TCERG1: variants seen among roughly 807,000 people sequenced by gnomAD.
The protein encoded by TCERG1 is transcription elongation regulator 1.
A neutral mutation model predicts 144.7 loss-of-function variants in TCERG1; 37 were observed. The ratio of observed to expected loss-of-function variants is 0.26; its 90% CI spans 0.20 to 0.34. The LOEUF is 0.34. Among genes scored for constraint, TCERG1 ranks in the 10% least tolerant of loss-of-function variants. TCERG1 has a pLI of 1.00. For synonymous variants in TCERG1, 492 were observed against 458.2 expected (o/e 1.07, Z -0.94); for missense variants, 1,027 against 1,380.7 (o/e 0.74, Z 4.06).
At position 146,482,612 on chromosome 5, in the gene TCERG1, T is replaced by C. The variant is rs772790701; in HGVS notation, c.1958T>C (p.Ile653Thr). The C allele has an allele frequency of 6.8e-6, 11 of 1,612,564 alleles. No homozygotes were observed. Among genetic ancestry groups the C allele is most frequent in the Admixed American group, 6.7e-5 (4 of 59,864 alleles). The change falls in exon 14 of 23, where the codon ATT (isoleucine) becomes ACT (threonine). Residue 653 changes from isoleucine to threonine, a missense_variant. This residue lies in a region of TCERG1 where 482 missense variants were observed against 632.6 expected (regional missense o/e 0.76). Transcript: ENST00000679501. ...TATAGGAGAGACGATAATAAAGACA[T>C]TGACTCAGAGAAAGAAGCTGCCATG... ...SLFRRDDNKDIDSEKEAAMEA... is the reference protein window; with the variant it reads ...SLFRRDDNKDTDSEKEAAMEA...
rs182700915 is a variant in TCERG1 at position 146,507,587 on chromosome 5, G to C, written c.2962-286G>C. The C allele has an allele frequency of 3.3e-5, 11 of 331,832 alleles. No homozygotes were observed. In the East Asian group the frequency reaches 5.5e-4, roughly 17 times the overall value. 20.6% of individuals were successfully genotyped at this position (331,832 alleles called of 1,614,324 possible). ...TTCCTTTTTATTTGCTCTCTTTTTG[G>C]TGATGGTTTCTTCAGAAGTTATGAT... On this transcript the variant is annotated intron_variant, in intron 20 of 22. Transcript: ENST00000679501. The surrounding 1 kb of genome is among the most constrained non-coding windows in gnomAD (Gnocchi z 4.6).
At chr5:146,473,676 G>A (rs1408138829) in intron 9 of TCERG1, among the ~76,000 whole-genome samples, 1 of 152,130 alleles carries the variant, frequency 6.6e-6, no homozygotes, top group Non-Finnish European at 1.5e-5. Context: ...GGGCCCTTGA[G>A]AATGACGTTA....
At chr5:146,454,941 T>A (rs1762698119) in intron 1 of TCERG1, 115 bp from the exon 2 acceptor site, 1 of 1,142,590 alleles carries the variant, frequency 8.8e-7, no homozygotes, top group Admixed American at 2.5e-5. Flanking sequence ...ATGATGACTT[T>A]CCAACTCCAC....
intron 5 of TCERG1, among the ~76,000 whole-genome samples, chr5:146,466,276 T>C (rs186248405): frequency 1.5e-4 from 23 of 152,306 alleles, no homozygotes; most frequent in Admixed American, 1.4e-3. Flanking sequence ...AGGATTTGTA[T>C]GTAATTTGTC....
At chr5:146,470,508 AT>A in intron 7 of TCERG1, 127 bp from the exon 8 acceptor site, 1 of 739,982 alleles carries the variant, frequency 1.4e-6, no homozygotes, top group Non-Finnish European at 2.2e-6. Flanking sequence ...AATCAAAGAT[AT>A]AAGGAAAGAC....
intron 9 of TCERG1, among the ~76,000 whole-genome samples, chr5:146,473,124 T>G (rs1764503464): frequency 1.3e-5 from 2 of 152,188 alleles, no homozygotes; most frequent in African/African-American, 2.4e-5. Flanking sequence ...ATAGCCAAGT[T>G]GTGAATGCAA....
chr5:146,476,038 T>C (rs1764812433), intron 9 of TCERG1, among the ~76,000 whole-genome samples: 1 of 152,172 alleles, frequency 6.6e-6, no homozygotes, highest in African/African-American at 2.4e-5. Flanking sequence ...CCTCTGTAGC[T>C]TCCCTGCTTT....
chr5:146,465,797 C>T (rs1225903422), intron 5 of TCERG1, among the ~76,000 whole-genome samples: 1 of 151,910 alleles, frequency 6.6e-6, no homozygotes, highest in Non-Finnish European at 1.5e-5. Flanking sequence ...TTTGGGAGGC[C>T]GAGGTGGGTG....
rs1763064994 is a variant in TCERG1, at chr5:146,458,870, TG to T, written c.439-13del. The T allele has an allele frequency of 6.3e-7, 1 of 1,582,208 alleles. No homozygotes were observed. The highest frequency in any genetic ancestry group is 1.2e-5 in the South Asian group (1 of 86,894). The stretch of plus-strand genomic sequence containing the variant: ...CAGATTTTATGATACCATTGATTTT[TG>T]CTTCCGCTGCAGGTTTATTATTATA... On this transcript the variant is annotated splice_polypyrimidine_tract_variant and intron_variant, in intron 3 of 22. Transcript: ENST00000679501.
At chr5:146,482,788 T>G in intron 14 of TCERG1, 61 bp downstream of exon 14, 3 of 1,493,516 alleles carry the variant, frequency 2.0e-6, no homozygotes, top group Non-Finnish European at 2.7e-6. Flanking sequence ...AAATATGTCT[T>G]GCTAAAAGGT....
At chr5:146,449,926 T>C (rs1202284665) in intron 1 of TCERG1, among the ~76,000 whole-genome samples, 1 of 147,048 alleles carries the variant, frequency 6.8e-6, no homozygotes, top group Non-Finnish European at 1.5e-5. Context: ...GTGTTATCAC[T>C]GACTAGCTGC....
At position 146,469,526 on chromosome 5, in the gene TCERG1, T is replaced by G; in HGVS notation, c.1199-18T>G. On this transcript the variant is annotated intron_variant, in intron 6 of 22. Transcript: ENST00000679501. ...CGGTTTGATACTTGGATCTAATTTT[T>G]TATTATTCTTTTTTTAGGTGTATTG... 6.4e-7 allele frequency: 1 copy of G among 1,565,132 alleles called. No individual in the cohort carries two copies. Among genetic ancestry groups the G allele is most frequent in the Non-Finnish European group, 8.6e-7 (1 of 1,161,140 alleles).
chr5:146,479,220 G>A (rs1204281855), intron 10 of TCERG1, among the ~76,000 whole-genome samples: 1 of 152,034 alleles, frequency 6.6e-6, no homozygotes, highest in African/African-American at 2.4e-5. Context: ...ATTTGCCCTT[G>A]TGTTGATATG....
chr5:146,450,111 A>G (rs1762227688), intron 1 of TCERG1, among the ~76,000 whole-genome samples: 1 of 152,252 alleles, frequency 6.6e-6, no homozygotes, highest in African/African-American at 2.4e-5. Context: ...ATGTGTTGCA[A>G]CAGTATACTA....
At chr5:146,483,766 A>G (rs1765574374) in intron 15 of TCERG1, 137 bp downstream of exon 15, 2 of 643,318 alleles carry the variant, frequency 3.1e-6, no homozygotes, top group African/African-American at 3.7e-5. Context: ...AGAACATATT[A>G]TGTGTCTGTG....
intron 15 of TCERG1, among the ~76,000 whole-genome samples, chr5:146,489,120 G>A (rs1037255096): frequency 1.2e-4 from 18 of 152,178 alleles, no homozygotes; most frequent in Middle Eastern, 3.2e-3. Flanking sequence ...GGAAGATTAA[G>A]TCCTGGCGTT....
chr5:146,463,922 A>G, intron 5 of TCERG1, 129 bp downstream of exon 5: 1 of 1,266,052 alleles, frequency 7.9e-7, no homozygotes, highest in South Asian at 1.4e-5. Context: ...TGAAAGATTC[A>G]TGGCTAACTG....
intron 17 of TCERG1, among the ~76,000 whole-genome samples, chr5:146,500,892 CAG>C (rs1767365681): frequency 6.6e-6 from 1 of 151,748 alleles, no homozygotes; most frequent in African/African-American, 2.4e-5. Context: ...TCTGTAGTTC[CAG>C]TTACTCTGGA....
chr5:146,479,769 A>G (rs1003410034), intron 10 of TCERG1, 86 bp from the exon 11 acceptor site: 6 of 1,315,180 alleles, frequency 4.6e-6, no homozygotes, highest in African/African-American at 4.4e-5. Context: ...AGGTGAATAT[A>G]TTATGTAAAC....
Sources: gnomAD v4.1 joint callset for allele counts (sites outside exome capture counted in the v4.1 genomes callset) on GRCh38, gnomAD v4.1.1 for gene constraint, gnomAD v4.1.1 regional missense constraint, Gnocchi (gnomAD v3.1) non-coding constraint, MANE v1.5 for transcripts, NCBI Gene and HGNC (gene_info 2026-07-23, HGNC 2026-07-21) for gene names.